SAMD5: variants seen among roughly 807,000 people sequenced by gnomAD.
SAMD5 encodes sterile alpha motif domain containing 5.
SAMD5 carries 13 observed loss-of-function variants against 11.3 expected under a neutral mutation model. The observed-to-expected ratio is 1.15, with a 90% CI of 0.75 to 1.83. SAMD5 has a LOEUF of 1.83. Among genes scored for constraint, SAMD5 ranks in the 40% most tolerant of loss-of-function variants. SAMD5 has a pLI of 0.00. For synonymous variants in SAMD5, 129 were observed against 111.3 expected (o/e 1.16, Z -1.00); for missense variants, 255 against 239.1 (o/e 1.07, Z -0.44).
chr6:147,753,962 C>T, the SAMD5 span, among the ~76,000 whole-genome samples: 1 of 152,162 alleles, frequency 6.6e-6, no homozygotes, highest in African/African-American at 2.4e-5. Context: ...GATGGACACT[C>T]AGGATGCTTC....
intron 1 of SAMD5, among the ~76,000 whole-genome samples, chr6:147,676,593 G>A (rs1790866220): frequency 6.6e-6 from 1 of 152,130 alleles, no homozygotes; most frequent in Non-Finnish European, 1.5e-5. Context: ...ATTTTCATCT[G>A]TTTTGCTCAT....
intron 1 of SAMD5, among the ~76,000 whole-genome samples, chr6:147,679,571 G>C (rs1790912046): frequency 6.6e-6 from 1 of 151,888 alleles, no homozygotes; most frequent in African/African-American, 2.4e-5. Flanking sequence ...TATCAAATAG[G>C]TTTTTTGCAA....
chr6:147,838,324 G>T, the SAMD5 span, among the ~76,000 whole-genome samples: 4 of 152,246 alleles, frequency 2.6e-5, no homozygotes, highest in African/African-American at 9.6e-5. Context: ...CTGGAGGCAG[G>T]TATCATGGTT....
chr6:147,534,562 G>A (rs1177394173), intron 1 of SAMD5, among the ~76,000 whole-genome samples: 1 of 152,180 alleles, frequency 6.6e-6, no homozygotes, highest in Non-Finnish European at 1.5e-5. Flanking sequence ...AGGGAGCAGA[G>A]TTTTTAAGGA....
chr6:147,544,627 C>G (rs1788657223), intron 1 of SAMD5, among the ~76,000 whole-genome samples: 2 of 152,138 alleles, frequency 1.3e-5, no homozygotes, highest in African/African-American at 4.8e-5. Flanking sequence ...ATTGCAGGGT[C>G]TGTTGTAGTC....
chr6:147,901,231 C>A, the SAMD5 span, among the ~76,000 whole-genome samples: 2 of 152,176 alleles, frequency 1.3e-5, no homozygotes, highest in Non-Finnish European at 2.9e-5. Flanking sequence ...CCCACAGTAC[C>A]TACTTGGTAA....
rs1356982184 is a variant in SAMD5, at chr6:147,566,126, G to A, written c.*1670G>A. ...GCTTTAAAAATCTGAAGTTTAAATA[G>A]TTTAGCTATTTCTGTAGGTTAATTC... On this transcript the variant is annotated 3_prime_UTR_variant, in exon 2 of 2. Coordinates refer to ENST00000367474, the MANE Select transcript of SAMD5 (RefSeq NM_001030060.3). The A allele has an allele frequency of 1.0e-6, 1 of 982,534 alleles. No individual in the cohort carries two copies. The highest frequency in any genetic ancestry group is 6.2e-5 in the Admixed American group (1 of 16,256). The allele number at this position is 982,534 out of a possible 1,614,324, so 60.9% of individuals were successfully genotyped here.
At chr6:147,552,876 T>C (rs1265446708) in intron 1 of SAMD5, among the ~76,000 whole-genome samples, 1 of 152,210 alleles carries the variant, frequency 6.6e-6, no homozygotes, top group East Asian at 1.9e-4. Flanking sequence ...TAAACAGTGC[T>C]TAAAGCATAC....
chr6:147,910,544 A>G, the SAMD5 span, among the ~76,000 whole-genome samples: 2 of 152,250 alleles, frequency 1.3e-5, no homozygotes, highest in South Asian at 2.1e-4. Flanking sequence ...AACTCCCTGC[A>G]ATGAGTCGAA....
the SAMD5 span, among the ~76,000 whole-genome samples, chr6:147,872,835 T>C: frequency 1.3e-5 from 2 of 152,326 alleles, no homozygotes; most frequent in Admixed American, 6.5e-5. Flanking sequence ...TGATGCCATA[T>C]TGAAAAAATC....
At chr6:147,791,018 G>T in the SAMD5 span, among the ~76,000 whole-genome samples, 1 of 152,084 alleles carries the variant, frequency 6.6e-6, no homozygotes, top group Non-Finnish European at 1.5e-5. Context: ...AGATAGGCCG[G>T]GTGTGGTGGC....
intron 1 of SAMD5, among the ~76,000 whole-genome samples, chr6:147,693,080 G>A (rs73014040): frequency 0.11 from 16,935 of 152,184 alleles, 1,038 homozygotes; most frequent in Middle Eastern, 0.15. Context: ...CTGAGTGTGC[G>A]CTCTCTCCGA....
chr6:147,830,469 C>T, the SAMD5 span, among the ~76,000 whole-genome samples: 1 of 151,978 alleles, frequency 6.6e-6, no homozygotes, highest in Non-Finnish European at 1.5e-5. Flanking sequence ...GTAAGCCAGG[C>T]TGGTCTCAAA....
At chr6:147,510,935 T>A (rs1788078592) in intron 1 of SAMD5, among the ~76,000 whole-genome samples, 1 of 152,146 alleles carries the variant, frequency 6.6e-6, no homozygotes, top group Admixed American at 6.5e-5. Flanking sequence ...GATAGAGAGA[T>A]CTGGTCATCA....
At chr6:147,759,527 G>T in the SAMD5 span, among the ~76,000 whole-genome samples, 2 of 151,636 alleles carry the variant, frequency 1.3e-5, no homozygotes, top group African/African-American at 4.8e-5. Flanking sequence ...GTCCTTAGTG[G>T]TAGGGTAAGA....
At chr6:147,637,515 A>G (rs1253750113) in intron 1 of SAMD5, among the ~76,000 whole-genome samples, 1 of 152,228 alleles carries the variant, frequency 6.6e-6, no homozygotes, top group Non-Finnish European at 1.5e-5. Context: ...ATGAAGGGCT[A>G]TAAGGCTATT....
At chr6:147,721,641 T>C (rs1030307529) in intron 1 of SAMD5, among the ~76,000 whole-genome samples, 4 of 152,182 alleles carry the variant, frequency 2.6e-5, no homozygotes, top group African/African-American at 7.2e-5. Flanking sequence ...TTCTCCCATT[T>C]TGTAGGTTGC....
the SAMD5 span, among the ~76,000 whole-genome samples, chr6:147,909,206 AAC>A: frequency 6.6e-6 from 1 of 152,160 alleles, no homozygotes; most frequent in Non-Finnish European, 1.5e-5. Flanking sequence ...CTGCAACAAC[AAC>A]AAAAAAACTA....
At chr6:147,878,548 C>G in the SAMD5 span, among the ~76,000 whole-genome samples, 1 of 145,818 alleles carries the variant, frequency 6.9e-6, no homozygotes, top group Admixed American at 6.9e-5. Flanking sequence ...GAAATAGGAA[C>G]TATATAAAGA....
Sources: gnomAD v4.1 joint callset for allele counts (sites outside exome capture counted in the v4.1 genomes callset) on GRCh38, gnomAD v4.1.1 for gene constraint, MANE v1.5 for transcripts, NCBI Gene and HGNC (gene_info 2026-07-23, HGNC 2026-07-21) for gene names.